The following SYTL4 variants were observed in gnomAD, a reference collection of about 807,000 sequenced individuals.
SYTL4 encodes synaptotagmin-like protein 4.
SYTL4 carries 16 observed loss-of-function variants against 52.7 expected under a neutral mutation model. The observed-to-expected ratio is 0.30, with a 90% confidence interval of 0.21 to 0.46. SYTL4 has a LOEUF of 0.46. Ranked by LOEUF, SYTL4 falls within the 20% of genes least tolerant of loss-of-function variation. SYTL4 has a pLI of 1.00. For missense variants in SYTL4, 423 were observed against 519.9 expected (o/e 0.81, Z 1.81); for synonymous variants, 160 against 186.6 (o/e 0.86, Z 1.16).
At chrX:100,702,144 T>C (rs1016133206) in intron 4 of SYTL4, 37 bp from the exon 5 acceptor site, 95 of 538,580 alleles carry the variant, frequency 1.8e-4, no homozygotes, top group Non-Finnish European at 2.5e-4. Flanking sequence ...CACAGATGAT[T>C]TACTCAAGAA....
At chrX:100,714,253 T>G (rs1437520034) in intron 2 of SYTL4, among the ~76,000 whole-genome samples, 1 of 100,200 alleles carries the variant, frequency 1.0e-5, no homozygotes, top group Admixed American at 1.2e-4. Flanking sequence ...CTAAAATATT[T>G]TATGTCAAGA....
rs142984733 is a variant in SYTL4 at position 100,729,023 on chromosome X, C to T, written c.-240+2395G>A. On this transcript the variant is annotated intron_variant, in intron 2 of 19. Transcript: ENST00000372989. ...CTGTACTCTAGCCTGGGCGACACAG[C>T]GAAACTCTGCCTCAAAAAAAAAAAA... 4.6e-3 allele frequency among the ~76,000 whole-genome samples: 490 copies of T among 106,233 alleles called. 5 individuals are homozygous for T. The highest frequency in any genetic ancestry group is 0.016 in the African/African-American group (467 of 28,784). The allele number at this position is 106,233 out of a possible 115,157, so 92.3% of individuals were successfully genotyped here.
chrX:100,696,998 CA>C (rs1429303651), intron 8 of SYTL4, among the ~76,000 whole-genome samples: 1 of 111,948 alleles, frequency 8.9e-6, no homozygotes, highest in Non-Finnish European at 1.9e-5. Context: ...CCTAAGAAAA[CA>C]GAAGATTTAA....
intron 16 of SYTL4, among the ~76,000 whole-genome samples, chrX:100,683,872 A>G (rs1387121414): frequency 2.7e-5 from 3 of 111,805 alleles, no homozygotes; most frequent in East Asian, 5.6e-4. Context: ...AATATTTACA[A>G]AGAGCAAAGA....
At chrX:100,707,992 C>T (rs779375367) in intron 2 of SYTL4, among the ~76,000 whole-genome samples, 36 of 108,867 alleles carry the variant, frequency 3.3e-4, no homozygotes, top group South Asian at 4.2e-4. Flanking sequence ...AAACCAAACA[C>T]CGCATGTTCT....
At chrX:100,724,868 T>TAAAAAAAAAAAAAA (rs782241898) in intron 2 of SYTL4, among the ~76,000 whole-genome samples, 1 of 78,456 alleles carries the variant, frequency 1.3e-5, no homozygotes, top group Non-Finnish European at 2.4e-5. Flanking sequence ...GAATGATCAA[T>TAAAAAAAAAAAAAA]AAAAAGAAAA....
intron 8 of SYTL4, among the ~76,000 whole-genome samples, chrX:100,692,709 C>T (rs990697983): frequency 6.2e-4 from 68 of 110,480 alleles, no homozygotes; most frequent in Middle Eastern, 4.7e-3. Context: ...CTTGGCTCCC[C>T]GGACACCACA....
intron 2 of SYTL4, among the ~76,000 whole-genome samples, chrX:100,728,494 A>G (rs1479722010): frequency 8.9e-6 from 1 of 111,792 alleles, no homozygotes; most frequent in Non-Finnish European, 1.9e-5. Flanking sequence ...CTAAAAGGCT[A>G]TGGGTAACTT....
intron 2 of SYTL4, among the ~76,000 whole-genome samples, chrX:100,714,146 T>G (rs1478173735): frequency 1.5e-4 from 17 of 112,316 alleles, no homozygotes; most frequent in African/African-American, 4.8e-4. Context: ...TTTTAAACAT[T>G]TTAATATTAA....
At chrX:100,714,463 G>T (rs1322662811) in intron 2 of SYTL4, among the ~76,000 whole-genome samples, 3 of 111,012 alleles carry the variant, frequency 2.7e-5, no homozygotes, top group Non-Finnish European at 5.7e-5. Context: ...GTTTCACCGT[G>T]TTAGCCAGGA....
chrX:100,720,780 G>A (rs1358010739), intron 2 of SYTL4, among the ~76,000 whole-genome samples: 1 of 112,276 alleles, frequency 8.9e-6, no homozygotes, highest in African/African-American at 3.2e-5. Context: ...AAATTGAATT[G>A]CATACGTGGC....
Position 100,678,593 on chromosome X carries a change from G to C in SYTL4, c.1665C>G (p.Leu555=), listed in dbSNP as rs1489102811. The change falls in exon 19 of 20, where the codon CTC becomes CTG. Residue 555 remains leucine, a synonymous_variant. Transcript: ENST00000372989. ...GTSDSFVKGY[L]LPMRNKASKR... ...TACTGGCCTTGTTCCTCATGGGAAG[G>C]AGGTATCTGGCAGAGGGCGGGGAGT... 4 of 1,208,426 alleles carry C rather than the reference G, an allele frequency of 3.3e-6. No individual in the cohort carries two copies. In the East Asian group the frequency reaches 1.2e-4, roughly 36 times the overall value.
intron 17 of SYTL4, among the ~76,000 whole-genome samples, 190 bp downstream of exon 17, chrX:100,681,037 C>T (rs755385792): frequency 9.0e-6 from 1 of 111,264 alleles, no homozygotes; most frequent in Non-Finnish European, 1.9e-5. Flanking sequence ...GAAAAGAATG[C>T]CAACCCTAAG....
At chrX:100,701,114 A>G in intron 7 of SYTL4, 106 bp downstream of exon 7, 2 of 872,709 alleles carry the variant, frequency 2.3e-6, no homozygotes, top group Non-Finnish European at 3.4e-6. Context: ...ATGACAATAC[A>G]ATCTTCTATT....
intron 8 of SYTL4, among the ~76,000 whole-genome samples, chrX:100,698,212 C>T (rs901987287): frequency 1.8e-5 from 2 of 110,604 alleles, no homozygotes; most frequent in African/African-American, 3.3e-5. Context: ...ACGCCATTCT[C>T]CTGCCTCAGT....
intron 2 of SYTL4, among the ~76,000 whole-genome samples, chrX:100,714,703 T>A (rs1192531736): frequency 8.9e-6 from 1 of 112,297 alleles, no homozygotes; most frequent in Non-Finnish European, 1.9e-5. Context: ...GGAACAGCAA[T>A]AAAATGTTTG....
intron 2 of SYTL4, among the ~76,000 whole-genome samples, chrX:100,719,574 G>A (rs910792660): frequency 7.4e-5 from 8 of 108,060 alleles, no homozygotes; most frequent in East Asian, 3.0e-4. Flanking sequence ...TGTGTAACAC[G>A]CCAGAGCAAC....
rs185996591 is a variant in SYTL4 at position 100,716,336 on chromosome X, C to G, written c.-239-11450G>C. 8.6e-5 allele frequency among the ~76,000 whole-genome samples: 9 copies of G among 104,697 alleles called. No individual in the cohort carries two copies. In the East Asian group the frequency reaches 2.4e-3, roughly 28 times the overall value. The allele number at this position is 104,697 out of a possible 115,157, so 90.9% of individuals were successfully genotyped here. Reference sequence around the variant, plus strand: ...TGGTGGTGCATGCCTGTAATCCCAGCTACTCGGGAAGGCTGAGGCAGAAGA... The same window carrying G: ...TGGTGGTGCATGCCTGTAATCCCAGGTACTCGGGAAGGCTGAGGCAGAAGA... On this transcript the variant is annotated intron_variant, in intron 2 of 19. Transcript: ENST00000372989.
chrX:100,690,749 C>T, intron 9 of SYTL4, 111 bp from the exon 10 acceptor site: 1 of 544,713 alleles, frequency 1.8e-6, no homozygotes, highest in Non-Finnish European at 2.9e-6. Context: ...TCGTAATAAC[C>T]AAATTCAGAA....
Sources: allele counts gnomAD v4.1 joint callset (sites outside exome capture counted in the v4.1 genomes callset), GRCh38; gene constraint gnomAD v4.1.1; transcripts MANE v1.5; gene names NCBI Gene and HGNC (gene_info 2026-07-23, HGNC 2026-07-21).